Variants in CYYR1 observed in about 807,000 individuals in gnomAD.
The protein encoded by CYYR1 is cysteine and tyrosine rich 1, also known as cysteine and tyrosine-rich protein 1.
Under a neutral mutation model 15.2 loss-of-function variants are expected in CYYR1, and 14 were observed. The observed-to-expected ratio is 0.92, with a 90% CI of 0.61 to 1.44. CYYR1 has a LOEUF of 1.44. CYYR1 is among the 40% of genes most tolerant of loss of function. The probability of loss-of-function intolerance (pLI) is 0.00; values close to 1 mark genes in which losing one functional copy is unlikely to be tolerated. For missense variants in CYYR1, 228 were observed against 209.5 expected (o/e 1.09, Z -0.54); for synonymous variants, 80 against 77.4 (o/e 1.03, Z -0.18).
At chr21:26,553,872 C>A (rs565340110) in intron 2 of CYYR1, among the ~76,000 whole-genome samples, 2 of 152,260 alleles carry the variant, frequency 1.3e-5, no homozygotes, top group South Asian at 4.1e-4. Context: ...GTAAAGCCAA[C>A]AGGCTGAATA....
chr21:26,468,948 C>CA (rs71329833), intron 3 of CYYR1, among the ~76,000 whole-genome samples: 85,064 of 151,816 alleles, frequency 0.56, 23,976 homozygotes, highest in Non-Finnish European at 0.57. Flanking sequence ...TCATCTCAAG[C>CA]AAAAGTACAT....
At chr21:26,513,225 TTC>T (rs1196264080) in intron 2 of CYYR1, among the ~76,000 whole-genome samples, 2 of 152,226 alleles carry the variant, frequency 1.3e-5, no homozygotes, top group Non-Finnish European at 2.9e-5. Flanking sequence ...ACTTACCATA[TTC>T]TGCCTTGTAC....
intron 2 of CYYR1, 152 bp downstream of exon 2, chr21:26,566,114 C>T (rs989508088): frequency 7.7e-5 from 44 of 567,838 alleles, no homozygotes; most frequent in South Asian, 6.1e-4. Context: ...CATTAGATAG[C>T]GATGTGTTAA....
intron 2 of CYYR1, among the ~76,000 whole-genome samples, chr21:26,511,677 G>C (rs932858572): frequency 1.4e-4 from 22 of 152,176 alleles, no homozygotes; most frequent in African/African-American, 4.6e-4. Flanking sequence ...CAAAGTGAAG[G>C]CTTCTTTGTT....
At chr21:26,520,359 T>C (rs1311493954) in intron 2 of CYYR1, among the ~76,000 whole-genome samples, 1 of 152,012 alleles carries the variant, frequency 6.6e-6, no homozygotes, top group East Asian at 1.9e-4. Context: ...GTTAGTTTCC[T>C]GATGATGATG....
intron 2 of CYYR1, among the ~76,000 whole-genome samples, chr21:26,526,185 T>G (rs1263812512): frequency 1.3e-5 from 2 of 152,164 alleles, no homozygotes; most frequent in East Asian, 3.9e-4. Context: ...TGGTGTCTCA[T>G]GCCTGTAATC....
chr21:26,486,148 T>G (rs970798470), intron 2 of CYYR1, among the ~76,000 whole-genome samples: 2 of 152,144 alleles, frequency 1.3e-5, no homozygotes, highest in African/African-American at 4.8e-5. Context: ...ATTTTACTGT[T>G]GAGTTTTTGA....
chr21:26,557,464 A>G (rs570213482), intron 2 of CYYR1, among the ~76,000 whole-genome samples: 92 of 152,306 alleles, frequency 6.0e-4, no homozygotes, highest in Non-Finnish European at 9.1e-4. Flanking sequence ...AAACGCAACA[A>G]GCAAATAGAA....
At chr21:26,536,134 C>T (rs763450386) in intron 2 of CYYR1, among the ~76,000 whole-genome samples, 3 of 152,068 alleles carry the variant, frequency 2.0e-5, no homozygotes, top group African/African-American at 4.8e-5. Context: ...TACGCACTTG[C>T]AAACAACTGG....
chr21:26,496,953 A>T (rs2065413284), intron 2 of CYYR1, among the ~76,000 whole-genome samples: 1 of 152,090 alleles, frequency 6.6e-6, no homozygotes, highest in Non-Finnish European at 1.5e-5. Context: ...TGGACCATTA[A>T]CATCTAGTAG....
intron 2 of CYYR1, among the ~76,000 whole-genome samples, chr21:26,537,640 C>T (rs1978317159): frequency 6.6e-6 from 1 of 152,024 alleles, no homozygotes; most frequent in Non-Finnish European, 1.5e-5. Flanking sequence ...AAATCGAGGG[C>T]AATGCTTAAC....
intron 2 of CYYR1, among the ~76,000 whole-genome samples, chr21:26,505,350 C>T (rs1341947557): frequency 2.0e-5 from 3 of 152,168 alleles, no homozygotes; most frequent in Non-Finnish European, 4.4e-5. Context: ...GAAAGATGTG[C>T]TTCTATAAGA....
chr21:26,529,955 A>G (rs1344704332), intron 2 of CYYR1, among the ~76,000 whole-genome samples: 1 of 152,206 alleles, frequency 6.6e-6, no homozygotes, highest in African/African-American at 2.4e-5. Flanking sequence ...TCTAGTGACA[A>G]TGATGAAATG....
chr21:26,525,909 A>G (rs1228579520), intron 2 of CYYR1, among the ~76,000 whole-genome samples: 2 of 152,354 alleles, frequency 1.3e-5, no homozygotes, highest in African/African-American at 4.8e-5. Context: ...TTAGCAAAGT[A>G]GCAAGGAACA....
intron 2 of CYYR1, among the ~76,000 whole-genome samples, chr21:26,501,661 T>C (rs1302298401): frequency 6.6e-6 from 1 of 152,208 alleles, no homozygotes; most frequent in Non-Finnish European, 1.5e-5. Flanking sequence ...TCTTTTGGTC[T>C]CTTTTTCTTC....
intron 2 of CYYR1, among the ~76,000 whole-genome samples, chr21:26,562,755 CACACAGAGACATACACAA>C (rs1980304050): frequency 7.0e-6 from 1 of 143,818 alleles, no homozygotes; most frequent in Non-Finnish European, 1.5e-5. Context: ...CACACACACA[CACACAGAGACATACACAA>C]ACACACACAC....
intron 1 of CYYR1, among the ~76,000 whole-genome samples, chr21:26,569,752 G>A (rs941757026): frequency 6.6e-5 from 10 of 152,126 alleles, no homozygotes; most frequent in Admixed American, 2.0e-4. Context: ...TATTAAACTC[G>A]CCATCAATAT....
chr21:26,494,364 A>G (rs2123453673), intron 2 of CYYR1, among the ~76,000 whole-genome samples: 1 of 152,278 alleles, frequency 6.6e-6, no homozygotes, highest in East Asian at 1.9e-4. Flanking sequence ...CATCACCTCC[A>G]TTTCTGAGGG....
chr21:26,546,567 C>T (rs927583995), intron 2 of CYYR1, among the ~76,000 whole-genome samples: 4 of 152,172 alleles, frequency 2.6e-5, no homozygotes, highest in African/African-American at 9.7e-5. Flanking sequence ...TAAATTTACT[C>T]ACAATTCCAC....
Sources: gnomAD v4.1 joint callset for allele counts (sites outside exome capture counted in the v4.1 genomes callset) on GRCh38, gnomAD v4.1.1 for gene constraint, MANE v1.5 for transcripts, NCBI Gene and HGNC (gene_info 2026-07-23, HGNC 2026-07-21) for gene names.